Variants in CAST observed in about 807,000 individuals in gnomAD.
CAST encodes calpastatin, also known as MIR583 host.
Under a neutral mutation model 119.6 loss-of-function variants are expected in CAST, and 76 were observed. The observed-to-expected ratio is 0.64, with a 90% CI of 0.53 to 0.77. CAST has a LOEUF of 0.77. Ranked by LOEUF, CAST falls within the 30% of genes least tolerant of loss-of-function variation. CAST has a pLI of 0.00. For synonymous variants in CAST, 319 were observed against 331.6 expected (o/e 0.96, Z 0.41); for missense variants, 953 against 946.5 (o/e 1.01, Z -0.09).
chr5:96,217,204 A>ATTTT, the CAST span, among the ~76,000 whole-genome samples: 2 of 97,018 alleles, frequency 2.1e-5, no homozygotes, highest in Non-Finnish European at 4.0e-5. Context: ...ATGCTAGCTA[A>ATTTT]TTTTTTTTTT....
At chr5:96,366,311 G>A in the CAST span, among the ~76,000 whole-genome samples, 1 of 152,094 alleles carries the variant, frequency 6.6e-6, no homozygotes, top group African/African-American at 2.4e-5. Flanking sequence ...ATGTCTTGGG[G>A]TTGCTCTTCT....
At chr5:96,727,337 TG>T (rs1759440782) in intron 5 of CAST, 151 bp from the exon 6 acceptor site, 1 of 514,044 alleles carries the variant, frequency 1.9e-6, no homozygotes, top group African/African-American at 2.0e-5. Flanking sequence ...TCAAGCAAAG[TG>T]TAACAAACTT....
chr5:95,967,767 C>G, the CAST span, among the ~76,000 whole-genome samples: 6 of 152,188 alleles, frequency 3.9e-5, no homozygotes, highest in African/African-American at 1.4e-4. Flanking sequence ...TCAATTAAAC[C>G]TCTTACCTTT....
the CAST span, among the ~76,000 whole-genome samples, chr5:96,444,300 T>C: frequency 6.6e-6 from 1 of 152,248 alleles, no homozygotes; most frequent in Non-Finnish European, 1.5e-5. Context: ...GTATTGGTGA[T>C]GGAAGTAAGA....
chr5:96,304,670 C>T, the CAST span, among the ~76,000 whole-genome samples: 1 of 152,200 alleles, frequency 6.6e-6, no homozygotes, highest in Non-Finnish European at 1.5e-5. Flanking sequence ...CTGCATATGG[C>T]TATCCAGTTT....
intron 3 of CAST, among the ~76,000 whole-genome samples, chr5:96,712,599 G>A (rs1756394273): frequency 6.6e-6 from 1 of 152,168 alleles, no homozygotes; most frequent in Non-Finnish European, 1.5e-5. Flanking sequence ...AAAGTGCTGG[G>A]ATTATAGGCA....
In CAST at chr5:96,643,099, C is replaced by G. The variant is rs563506146; in HGVS notation, c.61-32440C>G. 8.9e-4 allele frequency among the ~76,000 whole-genome samples: 135 copies of G among 152,298 alleles called. 3 individuals carry two copies. The East Asian group carries it at 0.021, about 23-fold the overall frequency. ...CCACTACTCTATATTTATTATTTTG[C>G]TACATACAAAACAACGTTCACAATG... On this transcript the variant is annotated intron_variant, in intron 1 of 11. Transcript: ENST00000505143.
At chr5:96,544,272 C>T (rs1168616842) in intron 1 of CAST, among the ~76,000 whole-genome samples, 2 of 152,102 alleles carry the variant, frequency 1.3e-5, no homozygotes, top group Admixed American at 6.5e-5. Context: ...AGATCCTGTA[C>T]ATATTTTGCT....
the CAST span, among the ~76,000 whole-genome samples, chr5:96,247,218 G>A: frequency 6.6e-6 from 1 of 152,146 alleles, no homozygotes; most frequent in Non-Finnish European, 1.5e-5. Context: ...CTTTGCAGGC[G>A]GTGGTACTAA....
chr5:96,219,359 G>T, the CAST span, among the ~76,000 whole-genome samples: 1 of 152,026 alleles, frequency 6.6e-6, no homozygotes, highest in East Asian at 1.9e-4. Context: ...CATCCATTTT[G>T]CCCCTGTCTC....
the CAST span, among the ~76,000 whole-genome samples, chr5:96,345,602 G>C: frequency 6.6e-6 from 1 of 152,094 alleles, no homozygotes; most frequent in South Asian, 2.1e-4. Context: ...CAGTTCCTTA[G>C]CTGGGTATCA....
At chr5:96,367,102 T>A in the CAST span, among the ~76,000 whole-genome samples, 1 of 152,230 alleles carries the variant, frequency 6.6e-6, no homozygotes, top group East Asian at 1.9e-4. Context: ...GCTCCAGACC[T>A]GTTTGCCTGG....
At chr5:96,021,890 T>C in the CAST span, among the ~76,000 whole-genome samples, 15 of 152,192 alleles carry the variant, frequency 9.9e-5, no homozygotes, top group African/African-American at 3.6e-4. Flanking sequence ...TCAAAAACAG[T>C]TGGTCTTGCC....
chr5:96,261,310 A>T, the CAST span, among the ~76,000 whole-genome samples: 3 of 152,254 alleles, frequency 2.0e-5, no homozygotes, highest in Non-Finnish European at 1.5e-5. Context: ...GGCTGAAGAA[A>T]GAGGCTGACA....
chr5:96,590,132 A>G (rs1381581796), intron 1 of CAST, among the ~76,000 whole-genome samples: 1 of 152,210 alleles, frequency 6.6e-6, no homozygotes, highest in East Asian at 1.9e-4. Flanking sequence ...TTTTCAGAGC[A>G]AGTTGTATTA....
chr5:96,346,763 G>A, the CAST span, among the ~76,000 whole-genome samples: 3 of 152,050 alleles, frequency 2.0e-5, no homozygotes, highest in East Asian at 3.8e-4. Context: ...CCATACTCAC[G>A]CACCTGTTCT....
At chr5:96,341,794 C>A in the CAST span, among the ~76,000 whole-genome samples, 1 of 152,100 alleles carries the variant, frequency 6.6e-6, no homozygotes, top group South Asian at 2.1e-4. Context: ...GAGCCTAAAT[C>A]TTTTTCTCCT....
the CAST span, among the ~76,000 whole-genome samples, chr5:96,099,832 G>A: frequency 6.6e-5 from 10 of 152,272 alleles, no homozygotes; most frequent in African/African-American, 2.4e-4. Context: ...GGATGATAAT[G>A]CTGGCCTCAT....
At chr5:96,049,372 TA>T in the CAST span, among the ~76,000 whole-genome samples, 63 of 152,356 alleles carry the variant, frequency 4.1e-4, no homozygotes, top group African/African-American at 1.5e-3. Context: ...TTATGTATGT[TA>T]TATTCCCAGC....
Sources: allele counts gnomAD v4.1 joint callset (sites outside exome capture counted in the v4.1 genomes callset), GRCh38; gene constraint gnomAD v4.1.1; transcripts MANE v1.5; gene names NCBI Gene and HGNC (gene_info 2026-07-23, HGNC 2026-07-21).